The following GTF2A1 variants were observed in gnomAD, a reference collection of about 807,000 sequenced individuals.
GTF2A1 encodes general transcription factor IIA subunit 1, also known as transcription initiation factor IIA subunit 1.
Under a neutral mutation model 54.1 loss-of-function variants are expected in GTF2A1, and 12 were observed. The observed-to-expected ratio is 0.22, with a 90% CI of 0.14 to 0.36. The LOEUF (loss-of-function observed/expected upper bound fraction) is 0.36. GTF2A1 is among the 10% of genes least tolerant of loss of function. The pLI is 1.00. For synonymous variants in GTF2A1, 145 were observed against 152.0 expected (o/e 0.95, Z 0.34); for missense variants, 335 against 442.2 (o/e 0.76, Z 2.17).
chr14:81,207,930 T>C (rs915173443), intron 2 of GTF2A1, among the ~76,000 whole-genome samples: 7 of 152,206 alleles, frequency 4.6e-5, no homozygotes, highest in Non-Finnish European at 2.9e-5. Flanking sequence ...TGGGTGCTGT[T>C]AGAAGCATTC....
intron 2 of GTF2A1, among the ~76,000 whole-genome samples, chr14:81,212,521 T>TA (rs1893395440): frequency 6.6e-6 from 1 of 152,198 alleles, no homozygotes; most frequent in Non-Finnish European, 1.5e-5. Context: ...CTTACCTCAT[T>TA]AACCCTCAAA....
chr14:81,216,196 G>A (rs1385293491), intron 2 of GTF2A1, among the ~76,000 whole-genome samples: 1 of 152,140 alleles, frequency 6.6e-6, no homozygotes, highest in Non-Finnish European at 1.5e-5. Context: ...TATAAGGTAA[G>A]TACTACCAAT....
Position 81,185,620 on chromosome 14 carries a change from C to G in GTF2A1, c.934G>C (p.Glu312Gln). The change falls in exon 8 of 9, where the codon GAG becomes CAG. Residue 312 changes from glutamate (E) to glutamine (Q), a missense_variant and splice_region_variant. Glu to Gln is a conservative substitution (Grantham distance 29). Around this residue, in one of 2 missense-constraint regions of GTF2A1, gnomAD observed 29 missense variants for 81.7 expected, o/e 0.35. Transcript: ENST00000553612. ...DGAEDGQVEE[E>Q]PLNSEDDVSD... Reference sequence around the variant, plus strand: ...ACATCATCTTCACTATTGAGGGGCTCCTACAAATAAAAGGAGAGTTCTTAT... The same window carrying G: ...ACATCATCTTCACTATTGAGGGGCTGCTACAAATAAAAGGAGAGTTCTTAT... 1 of 1,540,840 alleles carries G rather than the reference C, an allele frequency of 6.5e-7. No homozygotes were observed. Among genetic ancestry groups the G allele is most frequent in the Non-Finnish European group, 9.0e-7 (1 of 1,115,060 alleles).
chr14:81,219,100 C>G (rs902672509), intron 1 of GTF2A1, among the ~76,000 whole-genome samples: 5 of 151,988 alleles, frequency 3.3e-5, no homozygotes, highest in Non-Finnish European at 7.4e-5. Flanking sequence ...ACCATCTGAT[C>G]TAAAACTCTT....
intron 2 of GTF2A1, among the ~76,000 whole-genome samples, chr14:81,208,997 G>A (rs1364031284): frequency 6.6e-6 from 1 of 152,220 alleles, no homozygotes; most frequent in African/African-American, 2.4e-5. Context: ...ACTCTGGACT[G>A]TGGACATTTG....
chr14:81,180,861 C>G (rs1892624533), intron 8 of GTF2A1, among the ~76,000 whole-genome samples: 1 of 152,196 alleles, frequency 6.6e-6, no homozygotes, highest in South Asian at 2.1e-4. Flanking sequence ...CCAAATCTTA[C>G]CAGCTAAAAC....
At position 81,192,532 on chromosome 14, in the gene GTF2A1, CCAT is replaced by C. The variant is rs1438039008; in HGVS notation, c.917_919del (p.Asp306del). On this transcript the variant is annotated inframe_deletion, in exon 7 of 9. Coordinates refer to ENST00000553612, the MANE Select transcript of GTF2A1 (RefSeq NM_015859.4). ...CTAGAAACTTACTTCTTCCACCTGC[CCAT>C]CTTCAGCTCCATCTTTCTCTTTGTC... 8.7e-6 allele frequency: 14 copies of C among 1,606,350 alleles called. No individual in the cohort carries two copies. Among genetic ancestry groups the C allele is most frequent in the Non-Finnish European group, 1.0e-5 (12 of 1,176,226 alleles).
chr14:81,184,674 T>C (rs1459198926), intron 8 of GTF2A1, among the ~76,000 whole-genome samples: 1 of 152,194 alleles, frequency 6.6e-6, no homozygotes, highest in Non-Finnish European at 1.5e-5. Flanking sequence ...GGAAACTTCA[T>C]GCAAGGCATG....
intron 2 of GTF2A1, among the ~76,000 whole-genome samples, chr14:81,206,874 T>C (rs1893242931): frequency 6.6e-6 from 1 of 151,848 alleles, no homozygotes; most frequent in Non-Finnish European, 1.5e-5. Context: ...GTAAACAAAA[T>C]AGAACTGAGA....
Position 81,196,236 on chromosome 14 carries a change from G to C in GTF2A1, c.484C>G (p.Leu162Val), listed in dbSNP as rs1373911003. 6 of 1,613,924 alleles carry C rather than the reference G, an allele frequency of 3.7e-6. No homozygotes were observed. In the African/African-American group the frequency reaches 6.7e-5, roughly 18 times the overall value. Residue 162 changes from leucine (L) to valine (V), a missense_variant, in exon 6 of 9, where the codon CTT becomes GTT. Around this residue, in one of 2 missense-constraint regions of GTF2A1, gnomAD observed 306 missense variants for 360.4 expected, o/e 0.85. Coordinates refer to ENST00000553612, the MANE Select transcript of GTF2A1 (RefSeq NM_015859.4). ...TTGGCTGCTCTGACCACCTGAAGAA[G>C]CTGGCCTAAAGCAAAAAGCATGCAT... is the stretch of plus-strand genomic sequence containing the variant. ...VQQILTNSGQ[L>V]LQVVRAANGA...
In GTF2A1 at chr14:81,176,524, C is replaced by CA. The variant is rs1374040459; in HGVS notation, c.*3698dup. ...AAAAGAGAAAAGTTTTTTTGTTCCT[C>CA]AAAATAAACAAAAATGTTAGTTTGG... On this transcript the variant is annotated 3_prime_UTR_variant, in exon 9 of 9. Coordinates refer to ENST00000553612, the MANE Select transcript of GTF2A1 (RefSeq NM_015859.4). 3.9e-5 allele frequency: 6 copies of CA among 151,986 alleles called. No individual in the cohort carries two copies. The highest frequency in any genetic ancestry group is 7.4e-5 in the Non-Finnish European group (5 of 67,914). The allele number at this position is 151,986 out of a possible 1,614,324, so 9.4% of individuals were successfully genotyped here.
At chr14:81,218,984 C>T (rs1424432408) in intron 1 of GTF2A1, among the ~76,000 whole-genome samples, 2 of 151,782 alleles carry the variant, frequency 1.3e-5, no homozygotes, top group East Asian at 3.8e-4. Flanking sequence ...TTCCTGAATA[C>T]TTGAACAAAA....
At chr14:81,187,323 C>G (rs1892772198) in intron 7 of GTF2A1, among the ~76,000 whole-genome samples, 1 of 151,200 alleles carries the variant, frequency 6.6e-6, no homozygotes, top group Non-Finnish European at 1.5e-5. Flanking sequence ...CCACTGCACT[C>G]CAGCCTGGGC....
At chr14:81,205,046 T>C (rs1219247471) in intron 2 of GTF2A1, among the ~76,000 whole-genome samples, 1 of 152,264 alleles carries the variant, frequency 6.6e-6, no homozygotes, top group Non-Finnish European at 1.5e-5. Context: ...TATTGCCTAA[T>C]TGACCTGAAG....
intron 2 of GTF2A1, among the ~76,000 whole-genome samples, chr14:81,205,663 T>A (rs1893212954): frequency 6.6e-6 from 1 of 152,210 alleles, no homozygotes; most frequent in African/African-American, 2.4e-5. Flanking sequence ...ACCTGATCAT[T>A]TATCTTTCTT....
At chr14:81,190,630 G>A (rs950167570) in intron 7 of GTF2A1, among the ~76,000 whole-genome samples, 1 of 151,726 alleles carries the variant, frequency 6.6e-6, no homozygotes, top group African/African-American at 2.4e-5. Flanking sequence ...TGCAAAGAAG[G>A]GAATTTACTT....
intron 2 of GTF2A1, among the ~76,000 whole-genome samples, chr14:81,206,941 C>A (rs1447551517): frequency 3.9e-5 from 6 of 152,142 alleles, no homozygotes; most frequent in Non-Finnish European, 7.4e-5. Context: ...GTTATACACA[C>A]ATACACTGGC....
chr14:81,213,079 C>A lies in GTF2A1; in HGVS notation c.132+3334G>T, dbSNP rs547528478. 3.3e-5 allele frequency among the ~76,000 whole-genome samples: 5 copies of A among 152,120 alleles called. No homozygotes were observed. The South Asian group carries it at 1.0e-3, about 32-fold the overall frequency. On this transcript the variant is annotated intron_variant, in intron 2 of 8. Transcript: ENST00000553612. ...AAGAGTATGGCCCATTTAAAAACAA[C>A]AAGAATATTACACTATTTTGTTCAG...
chr14:81,186,761 A>C (rs965112182), intron 7 of GTF2A1, among the ~76,000 whole-genome samples: 2 of 152,064 alleles, frequency 1.3e-5, no homozygotes, highest in African/African-American at 4.8e-5. Flanking sequence ...CCAGCCAGGG[A>C]AATACAGTGA....
Sources: allele counts gnomAD v4.1 joint callset (sites outside exome capture counted in the v4.1 genomes callset), GRCh38; gene constraint gnomAD v4.1.1; regional missense constraint gnomAD v4.1.1; transcripts MANE v1.5; gene names NCBI Gene and HGNC (gene_info 2026-07-23, HGNC 2026-07-21).